Variants in SAMMSON observed in about 807,000 individuals in gnomAD.
The protein encoded by SAMMSON is survival associated mitochondrial melanoma specific oncogenic non-coding RNA.
intron 3 of SAMMSON, among the ~76,000 whole-genome samples, chr3:70,063,862 G>A (rs1576112495): frequency 6.6e-6 from 1 of 152,102 alleles, no homozygotes; most frequent in Non-Finnish European, 1.5e-5. Flanking sequence ...GCTTAGCACA[G>A]TGCCTGGCAT....
chr3:70,290,599 T>G (rs1702226282), intron 6 of SAMMSON, among the ~76,000 whole-genome samples: 1 of 152,196 alleles, frequency 6.6e-6, no homozygotes, highest in Non-Finnish European at 1.5e-5. Context: ...CAGTTCGAGT[T>G]TCCGGGCTGT....
chr3:70,320,793 A>G (rs867328288), intron 7 of SAMMSON, among the ~76,000 whole-genome samples: 23 of 152,244 alleles, frequency 1.5e-4, no homozygotes, highest in Non-Finnish European at 3.1e-4. Flanking sequence ...TTACCTACTT[A>G]GGTTAACTGT....
chr3:70,340,986 T>C (rs1436479034), intron 7 of SAMMSON, among the ~76,000 whole-genome samples: 1 of 152,190 alleles, frequency 6.6e-6, no homozygotes, highest in Admixed American at 6.5e-5. Flanking sequence ...CTGTAAAATA[T>C]GCATAATGCT....
intron 4 of SAMMSON, among the ~76,000 whole-genome samples, chr3:70,195,314 G>T (rs972448645): frequency 6.6e-6 from 1 of 152,014 alleles, no homozygotes; most frequent in African/African-American, 2.4e-5. Context: ...GGAAGGTGTG[G>T]GGCACTTTCA....
At chr3:70,003,748 C>CTTTTGTA (rs1383707676) in intron 1 of SAMMSON, among the ~76,000 whole-genome samples, 2 of 151,756 alleles carry the variant, frequency 1.3e-5, no homozygotes, top group African/African-American at 2.4e-5. Context: ...TTTTGTATGT[C>CTTTTGTA]TGTTCTTTCA....
intron 4 of SAMMSON, among the ~76,000 whole-genome samples, chr3:70,134,087 C>CAAAA (rs1157606808): frequency 6.6e-5 from 4 of 60,572 alleles, no homozygotes; most frequent in Non-Finnish European, 1.1e-4. Context: ...ACTGAAAATA[C>CAAAA]AAAAAAAAAA....
chr3:70,322,730 G>T (rs933070366), intron 7 of SAMMSON, among the ~76,000 whole-genome samples: 6 of 151,922 alleles, frequency 3.9e-5, no homozygotes, highest in African/African-American at 1.2e-4. Flanking sequence ...ATCCTTTAAA[G>T]AACTATAAAG....
intron 6 of SAMMSON, among the ~76,000 whole-genome samples, chr3:70,254,251 T>C (rs906821078): frequency 2.6e-5 from 4 of 152,182 alleles, no homozygotes; most frequent in Admixed American, 1.3e-4. Flanking sequence ...TTAAGTTTAA[T>C]GGATAAATTA....
intron 3 of SAMMSON, among the ~76,000 whole-genome samples, chr3:70,059,079 C>T (rs1163073713): frequency 1.3e-5 from 2 of 152,020 alleles, no homozygotes; most frequent in African/African-American, 2.4e-5. Context: ...TTTTTTCTAA[C>T]AAGGAGCTCG....
At chr3:70,205,145 C>A (rs1701278531) in intron 4 of SAMMSON, 1 of 151,946 alleles carries the variant, frequency 6.6e-6, no homozygotes, top group Non-Finnish European at 1.5e-5. Flanking sequence ...AATTATCAAC[C>A]CTGGAAAACT....
At chr3:70,172,751 A>T (rs1700969410) in intron 4 of SAMMSON, 1 of 151,990 alleles carries the variant, frequency 6.6e-6, no homozygotes, top group African/African-American at 2.4e-5. Context: ...TCTCATGGTC[A>T]ATCACAACCA....
At chr3:70,130,337 T>G (rs1174410172) in intron 4 of SAMMSON, among the ~76,000 whole-genome samples, 2 of 152,152 alleles carry the variant, frequency 1.3e-5, no homozygotes, top group Non-Finnish European at 2.9e-5. Context: ...CAATAAGACT[T>G]GAGGGTTTCA....
intron 7 of SAMMSON, among the ~76,000 whole-genome samples, chr3:70,314,089 T>G (rs1702478373): frequency 6.6e-6 from 1 of 152,154 alleles, no homozygotes; most frequent in South Asian, 2.1e-4. Flanking sequence ...TTCTCTGATC[T>G]TACTTGGGAC....
chr3:70,158,091 A>G (rs2067599286), intron 4 of SAMMSON, among the ~76,000 whole-genome samples: 1 of 152,128 alleles, frequency 6.6e-6, no homozygotes, highest in African/African-American at 2.4e-5. Flanking sequence ...TGACGTGTAC[A>G]GTTCCAAATT....
At chr3:70,126,255 C>CTTTTTTTTTTTTTTTTTT in intron 4 of SAMMSON, 2 of 850,986 alleles carry the variant, frequency 2.4e-6, no homozygotes, top group Non-Finnish European at 1.8e-6. Context: ...GTCATCAGAC[C>CTTTTTTTTTTTTTTTTTT]TTTTTTTTTT....
chr3:70,046,575 C>G (rs1397786858), intron 3 of SAMMSON, among the ~76,000 whole-genome samples: 1 of 152,046 alleles, frequency 6.6e-6, no homozygotes, highest in African/African-American at 2.4e-5. Flanking sequence ...TTTTGAAAAT[C>G]AGTATTTTTA....
At chr3:70,141,936 A>G in intron 4 of SAMMSON, among the ~76,000 whole-genome samples, 1 of 152,186 alleles carries the variant, frequency 6.6e-6, no homozygotes, top group Admixed American at 6.6e-5. Flanking sequence ...AAAATTTCTC[A>G]GCATCACTAA....
At chr3:70,107,915 C>T (rs934765741) in intron 4 of SAMMSON, among the ~76,000 whole-genome samples, 2 of 152,096 alleles carry the variant, frequency 1.3e-5, no homozygotes, top group Non-Finnish European at 2.9e-5. Context: ...ACACCTGGTA[C>T]ATCTTCCTGG....
At chr3:70,329,658 G>A (rs755165434) in intron 7 of SAMMSON, among the ~76,000 whole-genome samples, 1 of 151,988 alleles carries the variant, frequency 6.6e-6, no homozygotes, top group Non-Finnish European at 1.5e-5. Flanking sequence ...ATGAGAATAT[G>A]AATTCTGGCA....
Sources: allele counts gnomAD v4.1 joint callset (sites outside exome capture counted in the v4.1 genomes callset), GRCh38; gene constraint gnomAD v4.1.1; transcripts MANE v1.5; gene names NCBI Gene and HGNC (gene_info 2026-07-23, HGNC 2026-07-21).